R3HDM2: variants seen among roughly 807,000 people sequenced by gnomAD.
R3HDM2 encodes R3H domain containing 2.
In R3HDM2, 38 loss-of-function variants were observed where a neutral mutation model predicts 124.5. The ratio of observed to expected loss-of-function variants is 0.31; its 90% confidence interval spans 0.24 to 0.40. The LOEUF is 0.40. Among genes scored for constraint, R3HDM2 ranks in the 10% least tolerant of loss-of-function variants. The pLI is 1.00. For missense variants in R3HDM2, 869 were observed against 1,236.9 expected, an observed-to-expected ratio of 0.70 and a Z score of 4.46; for synonymous variants, 391 against 448.0, an observed-to-expected ratio of 0.87 and a Z score of 1.61.
intron 14 of R3HDM2, among the ~76,000 whole-genome samples, chr12:57,278,447 C>T (rs887955645): frequency 2.0e-5 from 3 of 151,612 alleles, no homozygotes; most frequent in African/African-American, 7.3e-5. Flanking sequence ...AGATGGGAGA[C>T]TAAGAGGGAG....
At chr12:57,394,037 A>T (rs2067118790) in intron 2 of R3HDM2, among the ~76,000 whole-genome samples, 1 of 152,336 alleles carries the variant, frequency 6.6e-6, no homozygotes, top group Non-Finnish European at 1.5e-5. Context: ...GTGGTGGCTC[A>T]TATCTGTAAT....
At chr12:57,427,515 A>C (rs1447753450) in intron 1 of R3HDM2, among the ~76,000 whole-genome samples, 1 of 150,306 alleles carries the variant, frequency 6.7e-6, no homozygotes, top group East Asian at 2.0e-4. Flanking sequence ...ACACCCAGCT[A>C]ATTTTTGTAT....
intron 2 of R3HDM2, among the ~76,000 whole-genome samples, chr12:57,328,585 G>C (rs2057663572): frequency 6.6e-6 from 1 of 152,270 alleles, no homozygotes; most frequent in East Asian, 1.9e-4. Flanking sequence ...GGAGTGCAAT[G>C]TCTATTCATG....
intron 11 of R3HDM2, among the ~76,000 whole-genome samples, chr12:57,291,454 G>A (rs2048565755): frequency 1.3e-5 from 2 of 151,764 alleles, no homozygotes; most frequent in East Asian, 3.9e-4. Context: ...AGGAGTTTGA[G>A]ACCAGTCTGG....
rs1023558124 is a variant in R3HDM2, at chr12:57,279,596, A to G, written c.1344+762T>C. 2.7e-4 allele frequency among the ~76,000 whole-genome samples: 41 copies of G among 151,592 alleles called. 1 individual carries two copies. Among genetic ancestry groups the G allele is most frequent in the African/African-American group, 9.7e-4 (40 of 41,342 alleles). ...GGAGGGAGGATCACTTGAGCCCACAAGTTTGAGACCAGCCTAGGCAACATA... is the reference window on the plus strand; with the variant it reads ...GGAGGGAGGATCACTTGAGCCCACAGGTTTGAGACCAGCCTAGGCAACATA... On this transcript the variant is annotated intron_variant, in intron 14 of 23. Coordinates refer to ENST00000402412, the MANE Select transcript of R3HDM2 (RefSeq NM_001394031.1).
At chr12:57,260,454 G>A (rs1260571822) in intron 19 of R3HDM2, among the ~76,000 whole-genome samples, 1 of 151,688 alleles carries the variant, frequency 6.6e-6, no homozygotes, top group East Asian at 1.9e-4. Context: ...CCACAGGGTG[G>A]GAGAAGGGAA....
At position 57,354,116 on chromosome 12, in the gene R3HDM2, A is replaced by C. The variant is rs532101389; in HGVS notation, c.-36+41633T>G. On this transcript the variant is annotated intron_variant, in intron 2 of 23. Coordinates refer to ENST00000402412, the MANE Select transcript of R3HDM2 (RefSeq NM_001394031.1). ...AACTCCTGACCTCAGGTGTCTGCCC[A>C]CCTTGGCCTCCCAAAGTGCTGGGAT... Among the ~76,000 whole-genome samples, 172 of 151,836 alleles carry C rather than the reference A, an allele frequency of 1.1e-3. 1 individual carries two copies. Among genetic ancestry groups the C allele is most frequent in the African/African-American group, 3.8e-3 (159 of 41,430 alleles).
intron 2 of R3HDM2, among the ~76,000 whole-genome samples, chr12:57,384,166 G>A (rs919234540): frequency 1.3e-5 from 2 of 151,800 alleles, no homozygotes; most frequent in South Asian, 2.1e-4. Context: ...TCAAGACCAC[G>A]GTGAAACCGT....
At chr12:57,331,384 T>C (rs1157304006) in intron 2 of R3HDM2, among the ~76,000 whole-genome samples, 1 of 152,178 alleles carries the variant, frequency 6.6e-6, no homozygotes, top group Non-Finnish European at 1.5e-5. Context: ...ATACCTCCTA[T>C]ACCATTTCCT....
At chr12:57,290,301 C>T (rs1285221727) in intron 11 of R3HDM2, among the ~76,000 whole-genome samples, 1 of 152,164 alleles carries the variant, frequency 6.6e-6, no homozygotes, top group Non-Finnish European at 1.5e-5. Context: ...AGCTAGGTTA[C>T]GATGTCACTG....
chr12:57,397,295 A>C (rs965242917), intron 1 of R3HDM2, among the ~76,000 whole-genome samples: 1 of 152,162 alleles, frequency 6.6e-6, no homozygotes, highest in Admixed American at 6.5e-5. Context: ...CTGGCTGTTT[A>C]ATCTATTTCA....
At chr12:57,378,829 G>A (rs895722294) in intron 2 of R3HDM2, among the ~76,000 whole-genome samples, 1 of 152,180 alleles carries the variant, frequency 6.6e-6, no homozygotes, top group African/African-American at 2.4e-5. Context: ...AGAAGCAAGT[G>A]TTTATCAACA....
At chr12:57,410,732 A>C (rs1281885617) in intron 1 of R3HDM2, among the ~76,000 whole-genome samples, 1 of 152,180 alleles carries the variant, frequency 6.6e-6, no homozygotes, top group Non-Finnish European at 1.5e-5. Flanking sequence ...GTGTGCCTGT[A>C]GTCTCAGCTA....
chr12:57,391,427 T>A (rs1326202861), intron 2 of R3HDM2, among the ~76,000 whole-genome samples: 1 of 152,196 alleles, frequency 6.6e-6, no homozygotes, highest in African/African-American at 2.4e-5. Context: ...ATATTAGTGG[T>A]TTCCAGGGAA....
At chr12:57,323,567 A>G (rs2056805345) in intron 2 of R3HDM2, among the ~76,000 whole-genome samples, 1 of 152,246 alleles carries the variant, frequency 6.6e-6, no homozygotes, top group African/African-American at 2.4e-5. Context: ...CTGGTGTGTA[A>G]GGAAACCCAT....
At chr12:57,282,125 C>T (rs1177858196) in intron 13 of R3HDM2, among the ~76,000 whole-genome samples, 1 of 151,928 alleles carries the variant, frequency 6.6e-6, no homozygotes, top group African/African-American at 2.4e-5. Flanking sequence ...GCCTGGCCAA[C>T]GTGGTGAAAC....
chr12:57,377,421 A>C (rs2064236983), intron 2 of R3HDM2, among the ~76,000 whole-genome samples: 1 of 152,028 alleles, frequency 6.6e-6, no homozygotes, highest in Non-Finnish European at 1.5e-5. Flanking sequence ...CTCCTCCCAA[A>C]TTTGAACATG....
intron 1 of R3HDM2, among the ~76,000 whole-genome samples, chr12:57,413,457 T>G (rs1341663862): frequency 2.1e-5 from 3 of 142,920 alleles, no homozygotes; most frequent in African/African-American, 7.8e-5. Flanking sequence ...AAAAGCAGGC[T>G]GGGCACAGTG....
chr12:57,343,531 T>G (rs1006346612), intron 2 of R3HDM2, among the ~76,000 whole-genome samples: 2 of 151,776 alleles, frequency 1.3e-5, no homozygotes, highest in African/African-American at 4.8e-5. Flanking sequence ...ATAGTAATAA[T>G]CTCTATTGCT....
Sources: allele counts gnomAD v4.1 joint callset (sites outside exome capture counted in the v4.1 genomes callset), GRCh38; gene constraint gnomAD v4.1.1; transcripts MANE v1.5; gene names NCBI Gene and HGNC (gene_info 2026-07-23, HGNC 2026-07-21).